Variants in BCL2L1 observed in about 807,000 individuals in gnomAD.
The protein encoded by BCL2L1 is BCL2 like 1.
A neutral mutation model predicts 18.7 loss-of-function variants in BCL2L1; 1 was observed. The observed-to-expected ratio is 0.05, with a 90% CI of 0.02 to 0.25. The LOEUF (loss-of-function observed/expected upper bound fraction) is 0.25. Ranked by LOEUF, BCL2L1 falls within the 10% of genes least tolerant of loss-of-function variation. The pLI is 1.00. For missense variants in BCL2L1, 207 were observed against 304.9 expected (o/e 0.68, Z 2.39); for synonymous variants, 103 against 122.7 (o/e 0.84, Z 1.06).
At chr20:31,723,558 C>T (rs1449946538), upstream of BCL2L1, 67 of 984,514 alleles carry the variant, frequency 6.8e-5, no homozygotes, top group Non-Finnish European at 8.0e-5. Flanking sequence ...CGCCCCGTTG[C>T]TAGGCAACCG....
intron 2 of BCL2L1, among the ~76,000 whole-genome samples, chr20:31,676,222 T>C (rs1414900141): frequency 2.0e-5 from 3 of 152,178 alleles, no homozygotes; most frequent in African/African-American, 7.2e-5. Context: ...ATAAAACAGC[T>C]GATGTTTACT....
intron 2 of BCL2L1, among the ~76,000 whole-genome samples, chr20:31,691,755 C>T (rs1350888418): frequency 6.6e-6 from 1 of 152,058 alleles, no homozygotes; most frequent in Non-Finnish European, 1.5e-5. Flanking sequence ...AGGACTTGAA[C>T]ATTTTACAAA....
chr20:31,670,665 C>G (rs2060653464), intron 2 of BCL2L1, among the ~76,000 whole-genome samples: 1 of 152,222 alleles, frequency 6.6e-6, no homozygotes. Flanking sequence ...ACCTTCATTT[C>G]CATTTCAGCT....
chr20:31,708,777 A>G (rs1166028681), intron 2 of BCL2L1, among the ~76,000 whole-genome samples: 1 of 152,166 alleles, frequency 6.6e-6, no homozygotes, highest in Non-Finnish European at 1.5e-5. Context: ...CCTAGAAGAT[A>G]TTTCTTGCTC....
intron 2 of BCL2L1, chr20:31,720,135 C>G: frequency 1.0e-6 from 1 of 985,422 alleles, no homozygotes; most frequent in South Asian, 4.7e-5. Flanking sequence ...GACCCCACCC[C>G]AGTTATCTGA....
chr20:31,668,151 C>T (rs2060614124), intron 2 of BCL2L1, among the ~76,000 whole-genome samples: 1 of 152,066 alleles, frequency 6.6e-6, no homozygotes, highest in Admixed American at 6.5e-5. Context: ...TCCTGCTTGC[C>T]TGGAGCACCT....
chr20:31,670,010 T>G (rs550396115), intron 2 of BCL2L1, among the ~76,000 whole-genome samples: 2 of 152,318 alleles, frequency 1.3e-5, no homozygotes, highest in South Asian at 4.1e-4. Flanking sequence ...ACTGCAAGAC[T>G]GCCTAGCTTC....
intron 2 of BCL2L1, among the ~76,000 whole-genome samples, chr20:31,710,552 T>A (rs2061439122): frequency 1.3e-5 from 2 of 152,218 alleles, no homozygotes; most frequent in Non-Finnish European, 2.9e-5. Context: ...CAGTCTGGAT[T>A]GGCAATGCAG....
intron 2 of BCL2L1, among the ~76,000 whole-genome samples, chr20:31,684,387 G>C (rs1249811889): frequency 6.6e-6 from 1 of 152,282 alleles, no homozygotes; most frequent in South Asian, 2.1e-4. Context: ...GGTCCACAGA[G>C]ACCAGAGAGC....
chr20:31,706,071 A>G (rs2061364768), intron 2 of BCL2L1, among the ~76,000 whole-genome samples: 1 of 152,170 alleles, frequency 6.6e-6, no homozygotes, highest in Non-Finnish European at 1.5e-5. Flanking sequence ...TGCTGTGAGC[A>G]AGGGGAAATT....
chr20:31,685,144 T>G (rs2060932787), intron 2 of BCL2L1, among the ~76,000 whole-genome samples: 1 of 152,212 alleles, frequency 6.6e-6, no homozygotes, highest in Non-Finnish European at 1.5e-5. Context: ...GGCTCACGCC[T>G]GTAATCCCAG....
rs1324497112 is a variant in BCL2L1 at position 31,664,485 on chromosome 20, G to A, written c.*1464C>T. The stretch of plus-strand genomic sequence containing the variant: ...CACTGAGTAAACACAGTTTATTACT[G>A]AACTGCACTTTCACCTTCACACAGA... On this transcript the variant is annotated 3_prime_UTR_variant, in exon 3 of 3. Transcript: ENST00000307677. 1 of 179,584 alleles carries A rather than the reference G, an allele frequency of 5.6e-6. No individual in the cohort carries two copies. The highest frequency in any genetic ancestry group is 2.4e-5 in the African/African-American group (1 of 42,286). The allele number at this position is 179,584 out of a possible 1,614,324, so 11.1% of individuals were successfully genotyped here. A position where few individuals can be genotyped will look rare whatever the true frequency, so the allele number is the denominator to read the frequency against.
At chr20:31,666,871 G>T (rs1320563290) in intron 2 of BCL2L1, among the ~76,000 whole-genome samples, 1 of 152,188 alleles carries the variant, frequency 6.6e-6, no homozygotes, top group East Asian at 1.9e-4. Context: ...AAGTCAGAAG[G>T]GAAGCACATG....
intron 2 of BCL2L1, among the ~76,000 whole-genome samples, chr20:31,682,381 G>A (rs2060879182): frequency 6.6e-6 from 1 of 152,176 alleles, no homozygotes; most frequent in Admixed American, 6.5e-5. Flanking sequence ...GACACATTTG[G>A]TCCACTCTAT....
At chr20:31,719,459 T>C (rs529219409) in intron 2 of BCL2L1, among the ~76,000 whole-genome samples, 1 of 152,262 alleles carries the variant, frequency 6.6e-6, no homozygotes, top group South Asian at 2.1e-4. Flanking sequence ...GGGTACCTTC[T>C]ACCCAGGCTC....
chr20:31,721,803 C>T lies in BCL2L1; in HGVS notation c.416G>A (p.Arg139His), dbSNP rs757071036. ...GCCGAAGGAGAAAAAGGCCACAATGCGACCCCAGTTTACCCCATCCCGGAA... is the reference window on the plus strand; with the variant it reads ...GCCGAAGGAGAAAAAGGCCACAATGTGACCCCAGTTTACCCCATCCCGGAA... ...ELFRDGVNWG[R>H]IVAFFSFGGA... Residue 139 changes from arginine to histidine, a missense_variant, in exon 2 of 3, where the codon CGC (arginine) becomes CAC (histidine). By Grantham distance (29) the Arg-to-His change is conservative. Transcript: ENST00000307677. The T allele has an allele frequency of 1.2e-6, 2 of 1,614,204 alleles. No homozygotes were observed. Among genetic ancestry groups the T allele is most frequent in the Non-Finnish European group, 1.7e-6 (2 of 1,180,038 alleles).
At chr20:31,704,181 G>A (rs941930153) in intron 2 of BCL2L1, among the ~76,000 whole-genome samples, 7 of 146,324 alleles carry the variant, frequency 4.8e-5, no homozygotes, top group Admixed American at 2.1e-4. Context: ...TCAGCTCACT[G>A]CAACCTATGC....
intron 2 of BCL2L1, among the ~76,000 whole-genome samples, chr20:31,712,601 C>A (rs1371062558): frequency 6.6e-6 from 1 of 152,170 alleles, no homozygotes; most frequent in African/African-American, 2.4e-5. Flanking sequence ...TGTTTGTAGG[C>A]AAGTTTTTAG....
chr20:31,689,519 AGAG>A (rs1320425002), intron 2 of BCL2L1, among the ~76,000 whole-genome samples: 2 of 151,960 alleles, frequency 1.3e-5, no homozygotes, highest in Non-Finnish European at 2.9e-5. Flanking sequence ...ACTTAATCCT[AGAG>A]GCAGTAGTAG....
Sources: allele counts gnomAD v4.1 joint callset (sites outside exome capture counted in the v4.1 genomes callset), GRCh38; gene constraint gnomAD v4.1.1; transcripts MANE v1.5; gene names NCBI Gene and HGNC (gene_info 2026-07-23, HGNC 2026-07-21).